PPP2R2A: variants seen among roughly 807,000 people sequenced by gnomAD.
PPP2R2A encodes protein phosphatase 2 regulatory subunit Balpha.
Under a neutral mutation model 53.2 loss-of-function variants are expected in PPP2R2A, and 9 were observed. The ratio of observed to expected loss-of-function variants is 0.17; its 90% CI spans 0.10 to 0.30. The LOEUF (loss-of-function observed/expected upper bound fraction) is 0.30, where lower values mean the gene tolerates loss of function less well. Ranked by LOEUF, PPP2R2A falls within the 10% of genes least tolerant of loss-of-function variation. The pLI is 1.00. For synonymous variants in PPP2R2A, 169 were observed against 174.2 expected (o/e 0.97, Z 0.23); for missense variants, 235 against 534.6 (o/e 0.44, Z 5.53).
In PPP2R2A at chr8:26,370,342, C is replaced by T; in HGVS notation, c.1273C>T (p.His425Tyr). The T allele has an allele frequency of 6.2e-7, 1 of 1,614,140 alleles. No individual in the cohort carries two copies. Among genetic ancestry groups the T allele is most frequent in the Non-Finnish European group, 8.5e-7 (1 of 1,179,982 alleles). ...FNKKILHTAW[H>Y]PKENIIAVAT... is the part of the protein sequence containing the mutation. ...TAAGAAAATCCTTCACACAGCCTGG[C>T]ACCCCAAGGAAAATATCATTGCCGT... Residue 425 changes from histidine to tyrosine, a missense_variant, in exon 10 of 10, where the codon CAC (histidine) becomes TAC (tyrosine). Coordinates refer to ENST00000380737, the MANE Select transcript of PPP2R2A (RefSeq NM_002717.4). This position sits in a 1 kb window ranked among gnomAD's most constrained non-coding sequence, Gnocchi z 6.1.
At chr8:26,352,312 CA>C (rs1804558582) in intron 3 of PPP2R2A, among the ~76,000 whole-genome samples, 1 of 152,140 alleles carries the variant, frequency 6.6e-6, no homozygotes, top group Non-Finnish European at 1.5e-5. Flanking sequence ...GTGCAGGGAA[CA>C]ATGCTATCAT....
chr8:26,298,765 C>T (rs60259025), intron 2 of PPP2R2A, among the ~76,000 whole-genome samples: 19,592 of 152,190 alleles, frequency 0.13, 1,408 homozygotes, highest in African/African-American at 0.19. Flanking sequence ...GGTTCCATCA[C>T]TGGACCCTTT....
intron 1 of PPP2R2A, chr8:26,293,368 T>C: frequency 7.4e-6 from 9 of 1,211,498 alleles, no homozygotes; most frequent in Non-Finnish European, 1.0e-5. Flanking sequence ...TTTTTTCTGG[T>C]AGGTCTTGCC....
At chr8:26,293,567 A>G in intron 1 of PPP2R2A, 99 bp from the exon 2 acceptor site, 2 of 1,155,934 alleles carry the variant, frequency 1.7e-6, no homozygotes, top group African/African-American at 1.6e-5. Context: ...GGGCAGAACT[A>G]GGCTGTTAGT....
At chr8:26,348,339 A>T (rs907193623) in intron 3 of PPP2R2A, among the ~76,000 whole-genome samples, 2 of 152,242 alleles carry the variant, frequency 1.3e-5, no homozygotes, top group Non-Finnish European at 2.9e-5. Context: ...TCCTAACCCA[A>T]AATCCAAAGT....
intron 2 of PPP2R2A, among the ~76,000 whole-genome samples, chr8:26,324,750 G>A (rs1357941866): frequency 1.3e-5 from 2 of 152,074 alleles, no homozygotes; most frequent in African/African-American, 4.8e-5. Context: ...ACACCAGCCT[G>A]TGAAAGCAGC....
chr8:26,315,660 C>G (rs553751994), intron 2 of PPP2R2A, among the ~76,000 whole-genome samples: 4 of 152,254 alleles, frequency 2.6e-5, no homozygotes, highest in East Asian at 3.9e-4. Context: ...CCTGGTGCTT[C>G]TGTGTCCTGA....
chr8:26,361,275 CTTA>C, intron 6 of PPP2R2A, 124 bp downstream of exon 6: 1 of 866,282 alleles, frequency 1.2e-6, no homozygotes, highest in Non-Finnish European at 1.6e-6. Context: ...TGTATGGCAC[CTTA>C]TTTTTTTCTT....
chr8:26,293,337 C>T (rs1801395669), intron 1 of PPP2R2A: 1 of 1,410,670 alleles, frequency 7.1e-7, no homozygotes. Context: ...TAAGAAAACT[C>T]TTTAACTCTT....
chr8:26,315,977 T>C (rs1277146958), intron 2 of PPP2R2A, among the ~76,000 whole-genome samples: 1 of 152,152 alleles, frequency 6.6e-6, no homozygotes, highest in African/African-American at 2.4e-5. Context: ...AAAAGTAGAT[T>C]TGTTTTCTTA....
At chr8:26,330,910 G>A (rs1485233256) in intron 2 of PPP2R2A, among the ~76,000 whole-genome samples, 6 of 152,158 alleles carry the variant, frequency 3.9e-5, no homozygotes, top group Non-Finnish European at 7.4e-5. Context: ...GTTAAACTTT[G>A]TTAGGACAAG....
Position 26,293,004 on chromosome 8 carries a change from C to A in PPP2R2A, c.8-662C>A. On this transcript the variant is annotated intron_variant, in intron 1 of 9. Coordinates refer to ENST00000380737, the MANE Select transcript of PPP2R2A (RefSeq NM_002717.4). Reference sequence around the variant, plus strand: ...GAAATGAGATTAAAATTGTTTTGCACGAGATGACATTAGCAAAATGAATTC... The same window carrying A: ...GAAATGAGATTAAAATTGTTTTGCAAGAGATGACATTAGCAAAATGAATTC... The A allele has an allele frequency of 4.7e-6, 2 of 424,344 alleles. 1 individual carries two copies. The highest frequency in any genetic ancestry group is 1.2e-3 in the Middle Eastern group (2 of 1,696). 26.3% of individuals were successfully genotyped at this position (424,344 alleles called of 1,614,324 possible).
chr8:26,303,994 A>G (rs1391738828), intron 2 of PPP2R2A, among the ~76,000 whole-genome samples: 1 of 152,198 alleles, frequency 6.6e-6, no homozygotes, highest in African/African-American at 2.4e-5. Flanking sequence ...AGAATCTTCG[A>G]ATGATCTCTC....
chr8:26,351,034 G>C (rs1804476922), intron 3 of PPP2R2A, among the ~76,000 whole-genome samples: 1 of 152,196 alleles, frequency 6.6e-6, no homozygotes, highest in South Asian at 2.1e-4. Flanking sequence ...ACATTTGTTA[G>C]AAGTATTTTT....
chr8:26,322,707 A>C (rs1261141565), intron 2 of PPP2R2A, among the ~76,000 whole-genome samples: 2 of 152,190 alleles, frequency 1.3e-5, no homozygotes, highest in Non-Finnish European at 2.9e-5. Flanking sequence ...CCCAAAACTT[A>C]CATATAAAAG....
rs917467812 is a variant in PPP2R2A at position 26,293,898 on chromosome 8, G to C, written c.82+158G>C. 26 of 655,826 alleles carry C rather than the reference G, an allele frequency of 4.0e-5. No individual in the cohort carries two copies. The African/African-American group carries it at 4.6e-4, about 12-fold the overall frequency. The allele number at this position is 655,826 out of a possible 1,614,324, so 40.6% of individuals were successfully genotyped here. A position where few individuals can be genotyped will look rare whatever the true frequency, so the allele number is the denominator to read the frequency against. ...TTAAAAGATACCTTTCTGAAAAACA[G>C]CCTTAAATTTCATTTGTTATTTACG... On this transcript the variant is annotated intron_variant, in intron 2 of 9. Coordinates refer to ENST00000380737, the MANE Select transcript of PPP2R2A (RefSeq NM_002717.4).
intron 2 of PPP2R2A, among the ~76,000 whole-genome samples, chr8:26,300,726 C>T (rs868598496): frequency 4.6e-5 from 7 of 152,036 alleles, no homozygotes; most frequent in African/African-American, 1.2e-4. Flanking sequence ...TGGTGGTGCG[C>T]GCCTGTTGTC....
chr8:26,335,292 A>C (rs943584197), intron 2 of PPP2R2A, among the ~76,000 whole-genome samples: 15 of 152,282 alleles, frequency 9.9e-5, no homozygotes, highest in African/African-American at 3.6e-4. Context: ...CACAACTTAG[A>C]AGAGCTTTCA....
chr8:26,346,593 C>T (rs1055983204), intron 3 of PPP2R2A, among the ~76,000 whole-genome samples: 4 of 152,202 alleles, frequency 2.6e-5, no homozygotes, highest in African/African-American at 4.8e-5. Context: ...CTACTTTATT[C>T]GTTCCTTCTT....
Sources: allele counts gnomAD v4.1 joint callset (sites outside exome capture counted in the v4.1 genomes callset), GRCh38; gene constraint gnomAD v4.1.1; non-coding constraint Gnocchi (gnomAD v3.1); transcripts MANE v1.5; gene names NCBI Gene and HGNC (gene_info 2026-07-23, HGNC 2026-07-21).